LIG1: variants seen among roughly 807,000 people sequenced by gnomAD.
LIG1 encodes ligase I, DNA, ATP-dependent.
LIG1 carries 70 observed loss-of-function variants against 115.7 expected under a neutral mutation model. That is an observed-to-expected ratio of 0.60 (90% confidence interval 0.50 to 0.74). The LOEUF is 0.74. Ranked by LOEUF, LIG1 falls within the 30% of genes least tolerant of loss-of-function variation. The pLI is 0.00. For missense variants in LIG1, 1,115 were observed against 1,225.6 expected (o/e 0.91, Z 1.35); for synonymous variants, 487 against 495.3 (o/e 0.98, Z 0.22).
chr19:48,115,859 TC>T lies in LIG1; in HGVS notation c.2676+13del. On this transcript the variant is annotated intron_variant, in intron 27 of 27. Transcript: ENST00000263274. ...AGCAGCTGGGCGGCCCACCCCTGCT[TC>T]CCAGGACCTCACCTGAGCACTGGTG... 1 of 1,611,236 alleles carries T rather than the reference TC, an allele frequency of 6.2e-7. No individual in the cohort carries two copies. Among genetic ancestry groups the T allele is most frequent in the African/African-American group, 1.3e-5 (1 of 74,970 alleles).
intron 2 of LIG1, among the ~76,000 whole-genome samples, chr19:48,163,131 C>T (rs1396530724): frequency 6.6e-6 from 1 of 151,632 alleles, no homozygotes; most frequent in African/African-American, 2.4e-5. Context: ...TTGGCCAGGC[C>T]AGTCTCAAAC....
chr19:48,146,809 G>A (rs979279129), intron 9 of LIG1, among the ~76,000 whole-genome samples: 1 of 152,236 alleles, frequency 6.6e-6, no homozygotes, highest in Non-Finnish European at 1.5e-5. Context: ...CAGGAGGCAC[G>A]ATATGGCAAT....
intron 19 of LIG1, 40 bp downstream of exon 19, chr19:48,131,036 A>G: frequency 1.3e-6 from 2 of 1,550,846 alleles, no homozygotes; most frequent in Non-Finnish European, 1.8e-6. Context: ...ACCCCTGACC[A>G]CAGACCCTGG....
rs1243071132 is a variant in LIG1 at position 48,117,961 on chromosome 19, G to A, written c.2440-180C>T. 18 of 654,724 alleles carry A rather than the reference G, an allele frequency of 2.7e-5. No homozygotes were observed. The Admixed American group carries it at 4.9e-4, about 18-fold the overall frequency. The allele number at this position is 654,724 out of a possible 1,614,324, so 40.6% of individuals were successfully genotyped here. A position where few individuals can be genotyped will look rare whatever the true frequency, so the allele number is the denominator to read the frequency against. On this transcript the variant is annotated intron_variant, in intron 25 of 27. Transcript: ENST00000263274. ...CACCCCCTTGAAGTAAACAGAAATA[G>A]AAAGAGAAACAGAAAGTGAAAGAAG...
chr19:48,122,534 G>C lies in LIG1; in HGVS notation c.2232+400C>G, dbSNP rs751999466. 6.6e-6 allele frequency among the ~76,000 whole-genome samples: 1 copy of C among 152,208 alleles called. No individual in the cohort carries two copies. The highest frequency in any genetic ancestry group is 6.5e-5 in the Admixed American group (1 of 15,288). ...TGGGAAAGACTCTTCCTGATCATCC[G>C]GGGCACTCCCAGCCCCGCCTTGCTG... On this transcript the variant is annotated intron_variant, in intron 23 of 27. Coordinates refer to ENST00000263274, the MANE Select transcript of LIG1 (RefSeq NM_000234.3). This position sits in a 1 kb window ranked among gnomAD's most constrained non-coding sequence, Gnocchi z 4.3.
At chr19:48,165,467 G>T in intron 2 of LIG1, 83 bp downstream of exon 2, 1 of 1,135,440 alleles carries the variant, frequency 8.8e-7, no homozygotes, top group Non-Finnish European at 1.3e-6. Context: ...TTGTTTGTTT[G>T]TTTGTTTTTT....
chr19:48,164,555 G>A (rs1015229667), intron 2 of LIG1, among the ~76,000 whole-genome samples: 3 of 152,222 alleles, frequency 2.0e-5, no homozygotes, highest in Non-Finnish European at 4.4e-5. Context: ...ATGTGGCCCA[G>A]GCTGGGCCAG....
chr19:48,165,694 T>A, intron 1 of LIG1, 71 bp from the exon 2 acceptor site: 2 of 1,095,604 alleles, frequency 1.8e-6, no homozygotes, highest in Non-Finnish European at 2.7e-6. Context: ...TAAAACCCTT[T>A]CTTTAAGAAA....
In LIG1 at chr19:48,137,561, G is replaced by C. The variant is rs750166352; in HGVS notation, c.1215C>G (p.Phe405Leu). ...GCCTGGCGATGTCGCGGAACTTGCT[G>C]AAGACCCCGGAGGCAGTGAGCGGAG... Reference protein sequence around the residue: ...PPPPLTASGVFSKFRDIARLT... With the variant: ...PPPPLTASGVLSKFRDIARLT... Residue 405 changes from phenylalanine (F) to leucine (L), a missense_variant, in exon 13 of 28, where the codon TTC becomes TTG. Physicochemically the swap from Phe to Leu is conservative, Grantham distance 22. Coordinates refer to ENST00000263274, the MANE Select transcript of LIG1 (RefSeq NM_000234.3). This position sits in a 1 kb window ranked among gnomAD's most constrained non-coding sequence, Gnocchi z 4.3. The C allele has an allele frequency of 1.9e-6, 3 of 1,613,474 alleles. No individual in the cohort carries two copies. The highest frequency in any genetic ancestry group is 1.7e-5 in the Admixed American group (1 of 60,028).
intron 14 of LIG1, among the ~76,000 whole-genome samples, chr19:48,136,748 G>A (rs2122620713): frequency 6.6e-6 from 1 of 152,338 alleles, no homozygotes; most frequent in East Asian, 1.9e-4. Flanking sequence ...AGCCGAGGCA[G>A]ACCTCACCAA....
Sources: allele counts gnomAD v4.1 joint callset (sites outside exome capture counted in the v4.1 genomes callset), GRCh38; gene constraint gnomAD v4.1.1; non-coding constraint Gnocchi (gnomAD v3.1); transcripts MANE v1.5; gene names NCBI Gene and HGNC (gene_info 2026-07-23, HGNC 2026-07-21).